The following STXBP5L variants were observed in gnomAD, a reference collection of about 807,000 sequenced individuals.
STXBP5L encodes the protein syntaxin-binding protein 5-like.
STXBP5L carries 65 observed loss-of-function variants against 144.5 expected under a neutral mutation model. The ratio of observed to expected loss-of-function variants is 0.45; its 90% CI spans 0.37 to 0.55. The LOEUF is 0.55. Among genes scored for constraint, STXBP5L ranks in the 20% least tolerant of loss-of-function variants. The pLI is 0.00. For missense variants in STXBP5L, 1,298 were observed against 1,405.5 expected, an observed-to-expected ratio of 0.92 and a Z score of 1.22; for synonymous variants, 505 against 469.6, an observed-to-expected ratio of 1.08 and a Z score of -0.97.
intron 3 of STXBP5L, among the ~76,000 whole-genome samples, chr3:121,012,513 A>G (rs983479473): frequency 2.0e-5 from 3 of 151,870 alleles, no homozygotes; most frequent in African/African-American, 2.4e-5. Context: ...TTTTTTGAAT[A>G]TAGCCATCTT....
At chr3:121,058,673 T>A (rs1386437203) in intron 5 of STXBP5L, among the ~76,000 whole-genome samples, 1 of 152,230 alleles carries the variant, frequency 6.6e-6, no homozygotes, top group African/African-American at 2.4e-5. Flanking sequence ...CCATTCTAAC[T>A]GGCGTGAGAT....
intron 5 of STXBP5L, among the ~76,000 whole-genome samples, chr3:121,082,517 G>A (rs1459468648): frequency 1.3e-5 from 2 of 152,122 alleles, no homozygotes; most frequent in Non-Finnish European, 2.9e-5. Flanking sequence ...CCATTCCATT[G>A]GACCAAGGTC....
intron 3 of STXBP5L, among the ~76,000 whole-genome samples, chr3:120,994,288 C>T (rs1011775318): frequency 1.3e-5 from 2 of 151,894 alleles, no homozygotes; most frequent in Admixed American, 6.6e-5. Context: ...TTTTTTTCTC[C>T]TGCCTAATTG....
At chr3:121,121,602 T>A in intron 6 of STXBP5L, 39 bp from the exon 7 acceptor site, 1 of 1,439,484 alleles carries the variant, frequency 6.9e-7, no homozygotes, top group Non-Finnish European at 9.7e-7. Context: ...GGTATTTTAA[T>A]GTTTGGTTTT....
intron 3 of STXBP5L, among the ~76,000 whole-genome samples, chr3:120,966,284 A>C (rs539967709): frequency 6.6e-6 from 1 of 152,170 alleles, no homozygotes; most frequent in Admixed American, 6.5e-5. Context: ...ACTTCTGTCA[A>C]CTTGTCAAAG....
At chr3:121,125,497 G>A (rs1190725902) in intron 7 of STXBP5L, among the ~76,000 whole-genome samples, 1 of 151,866 alleles carries the variant, frequency 6.6e-6, no homozygotes, top group Non-Finnish European at 1.5e-5. Flanking sequence ...TAATGTCATA[G>A]AATCAGAAAA....
intron 19 of STXBP5L, among the ~76,000 whole-genome samples, chr3:121,310,527 G>C (rs2043490389): frequency 6.6e-6 from 1 of 151,510 alleles, no homozygotes; most frequent in Non-Finnish European, 1.5e-5. Flanking sequence ...AGGCAGGAGA[G>C]GGGCATGAAC....
chr3:121,016,517 G>A (rs1945157570), intron 3 of STXBP5L, among the ~76,000 whole-genome samples: 1 of 152,084 alleles, frequency 6.6e-6, no homozygotes, highest in Admixed American at 6.6e-5. Flanking sequence ...ATGAGTCATT[G>A]AGTTTGAAGA....
At chr3:121,179,836 C>G (rs1046357866) in intron 9 of STXBP5L, among the ~76,000 whole-genome samples, 2 of 152,018 alleles carry the variant, frequency 1.3e-5, no homozygotes, top group Non-Finnish European at 1.5e-5. Context: ...GAAGAAAGAA[C>G]TTCAGAGCTT....
intron 22 of STXBP5L, among the ~76,000 whole-genome samples, chr3:121,402,116 G>A (rs1245776383): frequency 6.6e-6 from 1 of 152,082 alleles, no homozygotes; most frequent in Non-Finnish European, 1.5e-5. Flanking sequence ...GAGTATATAA[G>A]ATAAAATAGA....
At chr3:121,362,132 A>G (rs1039163114) in intron 20 of STXBP5L, among the ~76,000 whole-genome samples, 1 of 152,224 alleles carries the variant, frequency 6.6e-6, no homozygotes, top group East Asian at 1.9e-4. Context: ...ACTTTCTCCC[A>G]AACATACAGA....
chr3:121,098,532 A>G (rs981484312), intron 5 of STXBP5L, among the ~76,000 whole-genome samples: 1 of 152,232 alleles, frequency 6.6e-6, no homozygotes, highest in African/African-American at 2.4e-5. Flanking sequence ...ATCTGCCTCC[A>G]TGACCCAAAC....
chr3:121,062,181 G>A (rs2107633845), intron 5 of STXBP5L, among the ~76,000 whole-genome samples: 1 of 152,302 alleles, frequency 6.6e-6, no homozygotes, highest in African/African-American at 2.4e-5. Flanking sequence ...TTGTAAGGCA[G>A]GCCTGGTGGT....
At chr3:120,949,970 G>A (rs1355348477) in intron 2 of STXBP5L, among the ~76,000 whole-genome samples, 1 of 151,560 alleles carries the variant, frequency 6.6e-6, no homozygotes, top group Non-Finnish European at 1.5e-5. Context: ...TGTGTTTTTG[G>A]TGTTTTATTT....
At chr3:121,103,034 T>C (rs28787049) in intron 5 of STXBP5L, among the ~76,000 whole-genome samples, 2 of 152,074 alleles carry the variant, frequency 1.3e-5, no homozygotes, top group South Asian at 4.1e-4. Context: ...TGGCTATTAT[T>C]AAAAAGTCTA....
At chr3:120,971,793 T>TAC (rs1491195425) in intron 3 of STXBP5L, among the ~76,000 whole-genome samples, 3 of 139,564 alleles carry the variant, frequency 2.1e-5, no homozygotes, top group African/African-American at 5.3e-5. Context: ...TATATATATA[T>TAC]ACACACATAT....
At chr3:120,914,713 T>C (rs77355692) in intron 2 of STXBP5L, among the ~76,000 whole-genome samples, 15,112 of 152,018 alleles carry the variant, frequency 0.099, 1,187 homozygotes, top group Admixed American at 0.2. Context: ...AAAAGAATAA[T>C]AGAAGATTCC....
chr3:121,346,740 T>C (rs1319632506), intron 20 of STXBP5L, among the ~76,000 whole-genome samples: 1 of 152,242 alleles, frequency 6.6e-6, no homozygotes, highest in Non-Finnish European at 1.5e-5. Context: ...TTTGTCTGCA[T>C]AAATGTCTTC....
chr3:121,317,200 G>A lies in STXBP5L; in HGVS notation c.2111-1275G>A, dbSNP rs1248634467. 3.9e-5 allele frequency among the ~76,000 whole-genome samples: 6 copies of A among 152,216 alleles called. 1 individual carries two copies. The highest frequency in any genetic ancestry group is 6.8e-3 in the Middle Eastern group (2 of 294). On this transcript the variant is annotated intron_variant, in intron 19 of 26. Transcript: ENST00000471454. ...GGATGAGCATTACATTGAAAGTCTT[G>A]AAAATAATGTTCAATGAAGTAAAAA... is the stretch of plus-strand genomic sequence containing the variant.
Sources: allele counts gnomAD v4.1 joint callset (sites outside exome capture counted in the v4.1 genomes callset), GRCh38; gene constraint gnomAD v4.1.1; transcripts MANE v1.5; gene names NCBI Gene and HGNC (gene_info 2026-07-23, HGNC 2026-07-21).